Variants in CDH2 observed in about 807,000 individuals in gnomAD.
CDH2 encodes cadherin 2.
A neutral mutation model predicts 92.0 loss-of-function variants in CDH2; 17 were observed. The observed-to-expected ratio is 0.18, with a 90% CI of 0.13 to 0.28. CDH2 has a LOEUF of 0.28. Among genes scored for constraint, CDH2 ranks in the 10% least tolerant of loss-of-function variants. CDH2 has a pLI of 1.00. For synonymous variants in CDH2, 419 were observed against 415.9 expected, an observed-to-expected ratio of 1.01 and a Z score of -0.09; for missense variants, 862 against 1,133.1, an observed-to-expected ratio of 0.76 and a Z score of 3.44.
chr18:27,969,118 C>T (rs770329186), intron 14 of CDH2, among the ~76,000 whole-genome samples: 4 of 152,160 alleles, frequency 2.6e-5, no homozygotes, highest in Non-Finnish European at 5.9e-5. Flanking sequence ...ACAGGTGAAA[C>T]GATGTGGAAA....
chr18:28,037,032 A>C (rs2144097763), intron 2 of CDH2, among the ~76,000 whole-genome samples: 1 of 152,206 alleles, frequency 6.6e-6, no homozygotes, highest in South Asian at 2.1e-4. Context: ...CTTGGGTGAA[A>C]AGTCAATAAT....
At chr18:28,134,391 G>T (rs910445066) in intron 2 of CDH2, among the ~76,000 whole-genome samples, 2 of 151,740 alleles carry the variant, frequency 1.3e-5, no homozygotes, top group African/African-American at 4.8e-5. Flanking sequence ...ACTAAAAATT[G>T]CTCAGAACCC....
chr18:27,961,721 C>T (rs572580260), intron 15 of CDH2, among the ~76,000 whole-genome samples: 7 of 152,184 alleles, frequency 4.6e-5, no homozygotes, highest in Non-Finnish European at 8.8e-5. Flanking sequence ...ATGAAATCCA[C>T]AGAACACTGG....
intron 2 of CDH2, among the ~76,000 whole-genome samples, chr18:28,040,730 A>T (rs556155054): frequency 1.3e-5 from 2 of 152,332 alleles, no homozygotes; most frequent in South Asian, 4.1e-4. Flanking sequence ...TGCAACAAAA[A>T]TATTATACAC....
chr18:28,160,809 C>A (rs2016295669), intron 1 of CDH2, among the ~76,000 whole-genome samples: 1 of 152,170 alleles, frequency 6.6e-6, no homozygotes, highest in African/African-American at 2.4e-5. Context: ...CAAAACCCAA[C>A]TGGGGAGAGG....
rs531003873 is a variant in CDH2 at position 27,997,739 on chromosome 18, TG to T, written c.1021-4103del. The stretch of plus-strand genomic sequence containing the variant: ...AGATTTGCCTCTAGATAAATTGGGT[TG>T]GGGACAGAGAGTTGAATAACAATGT... On this transcript the variant is annotated intron_variant, in intron 7 of 15. Transcript: ENST00000269141. Among the ~76,000 whole-genome samples, 10 of 152,156 alleles carry T rather than the reference TG, an allele frequency of 6.6e-5. No homozygotes were observed. In the South Asian group the frequency reaches 2.1e-3, roughly 32 times the overall value.
intron 2 of CDH2, among the ~76,000 whole-genome samples, chr18:28,136,125 G>C (rs1404492641): frequency 6.6e-6 from 1 of 152,154 alleles, no homozygotes; most frequent in Non-Finnish European, 1.5e-5. Flanking sequence ...TGAAATGAAA[G>C]ACAAAGTAAT....
chr18:27,946,110 T>C (rs559277485), downstream of CDH2, among the ~76,000 whole-genome samples: 57 of 152,268 alleles, frequency 3.7e-4, no homozygotes, highest in African/African-American at 1.3e-3. Context: ...GCACATATCA[T>C]CATGGTCTGG....
At chr18:28,010,840 C>T (rs908473835) in intron 4 of CDH2, among the ~76,000 whole-genome samples, 21 of 151,678 alleles carry the variant, frequency 1.4e-4, no homozygotes, top group Admixed American at 7.9e-4. Flanking sequence ...TTAGTACAGA[C>T]GGGGTTTCAT....
At chr18:28,057,983 C>A (rs1394571075) in intron 2 of CDH2, among the ~76,000 whole-genome samples, 2 of 152,130 alleles carry the variant, frequency 1.3e-5, no homozygotes, top group Non-Finnish European at 2.9e-5. Flanking sequence ...TGGTTTGTGA[C>A]CCCTGTTTGG....
chr18:27,977,350 G>A (rs551885170), intron 14 of CDH2, among the ~76,000 whole-genome samples: 1 of 152,220 alleles, frequency 6.6e-6, no homozygotes, highest in East Asian at 1.9e-4. Flanking sequence ...AGATATCGGA[G>A]TAGTTGTTTC....
At chr18:28,082,211 G>T (rs762492866) in intron 2 of CDH2, among the ~76,000 whole-genome samples, 6 of 151,834 alleles carry the variant, frequency 4.0e-5, no homozygotes, top group Admixed American at 6.6e-5. Context: ...GTTAGAGACC[G>T]GCCTGGGAAA....
intron 2 of CDH2, among the ~76,000 whole-genome samples, chr18:28,020,692 G>A (rs1282307322): frequency 3.3e-5 from 5 of 151,910 alleles, no homozygotes; most frequent in Non-Finnish European, 5.9e-5. Context: ...TAAAATACAC[G>A]TTTAGGAGTG....
At chr18:28,041,192 T>G (rs1256376293) in intron 2 of CDH2, among the ~76,000 whole-genome samples, 1 of 152,226 alleles carries the variant, frequency 6.6e-6, no homozygotes, top group African/African-American at 2.4e-5. Context: ...ATTATAAATT[T>G]AGAAAATAAT....
chr18:28,161,283 TTA>T (rs2144353807), intron 1 of CDH2, among the ~76,000 whole-genome samples: 1 of 151,928 alleles, frequency 6.6e-6, no homozygotes, highest in African/African-American at 2.4e-5. Context: ...TGGGAACTCT[TTA>T]AAAAGTAAAG....
rs750531758 is a variant in CDH2, at chr18:27,993,531, T to C, written c.1127A>G (p.Asn376Ser). The change falls in exon 8 of 16, where the codon AAT becomes AGT. Residue 376 changes from asparagine to serine, a missense_variant. By Grantham distance (46) the Asn-to-Ser change is conservative. This residue lies in a region of CDH2 where 564 missense variants were observed against 722.2 expected (regional missense o/e 0.78). Coordinates refer to ENST00000269141, the MANE Select transcript of CDH2 (RefSeq NM_001792.5). ...GGCAGTAAACTCTGGAGGATTGTCATTGACATCTGTCACTGTGATGACGGC... is the reference window on the plus strand; with the variant it reads ...GGCAGTAAACTCTGGAGGATTGTCACTGACATCTGTCACTGTGATGACGGC... Reference protein sequence around the residue: ...ATAVITVTDVNDNPPEFTAMT... With the variant: ...ATAVITVTDVSDNPPEFTAMT... 5.6e-6 allele frequency: 9 copies of C among 1,614,152 alleles called. No homozygotes were observed. The highest frequency in any genetic ancestry group is 1.7e-5 in the Admixed American group (1 of 60,014).
chr18:28,160,876 T>C lies in CDH2; in HGVS notation c.61-13092A>G, dbSNP rs150992649. On this transcript the variant is annotated intron_variant, in intron 1 of 15. Coordinates refer to ENST00000269141, the MANE Select transcript of CDH2 (RefSeq NM_001792.5). ...TTTACCATTTGGGGTACCTCATGCATACCGGGTTTTCTTTCAGAAAGCTGG... is the reference window on the plus strand; with the variant it reads ...TTTACCATTTGGGGTACCTCATGCACACCGGGTTTTCTTTCAGAAAGCTGG... Among the ~76,000 whole-genome samples the C allele has an allele frequency of 3.5e-3, 538 of 152,298 alleles. 7 individuals are homozygous for C. The highest frequency in any genetic ancestry group is 0.012 in the African/African-American group (508 of 41,574).
At chr18:28,055,758 G>A (rs541665861) in intron 2 of CDH2, among the ~76,000 whole-genome samples, 42 of 152,042 alleles carry the variant, frequency 2.8e-4, no homozygotes, top group South Asian at 8.3e-4. Context: ...ATATACTTCG[G>A]CATCCTGTTT....
At chr18:28,168,946 A>G (rs2016425238) in intron 1 of CDH2, among the ~76,000 whole-genome samples, 1 of 152,166 alleles carries the variant, frequency 6.6e-6, no homozygotes, top group African/African-American at 2.4e-5. Context: ...GTCAAGCCCA[A>G]CTTGAATATG....
Sources: gnomAD v4.1 joint callset for allele counts (sites outside exome capture counted in the v4.1 genomes callset) on GRCh38, gnomAD v4.1.1 for gene constraint, gnomAD v4.1.1 regional missense constraint, MANE v1.5 for transcripts, NCBI Gene and HGNC (gene_info 2026-07-23, HGNC 2026-07-21) for gene names.